The following PTPRD variants were observed in gnomAD, a reference collection of about 807,000 sequenced individuals.
PTPRD encodes receptor-type tyrosine-protein phosphatase delta.
In PTPRD, 34 loss-of-function variants were observed where a neutral mutation model predicts 214.5. That is an observed-to-expected ratio of 0.16 (90% confidence interval 0.12 to 0.21). The LOEUF (loss-of-function observed/expected upper bound fraction) is 0.21, where lower values mean the gene tolerates loss of function less well. Ranked by LOEUF, PTPRD falls within the 10% of genes least tolerant of loss-of-function variation. PTPRD has a pLI of 1.00. For synonymous variants in PTPRD, 1,128 were observed against 845.7 expected, an observed-to-expected ratio of 1.33 and a Z score of -5.79; for missense variants, 2,545 against 2,398.7, an observed-to-expected ratio of 1.06 and a Z score of -1.27.
At chr9:8,443,159 A>C (rs1451727690) in intron 34 of PTPRD, among the ~76,000 whole-genome samples, 1 of 152,358 alleles carries the variant, frequency 6.6e-6, no homozygotes. Context: ...CATTTTAAAA[A>C]ATTTTTGTAA....
chr9:9,573,649 A>G (rs652649), intron 8 of PTPRD, among the ~76,000 whole-genome samples: 43,933 of 151,564 alleles, frequency 0.29, 6,550 homozygotes, highest in Non-Finnish European at 0.32. Context: ...AAACTTAAAA[A>G]TAAGTACTTG....
chr9:9,116,698 G>C (rs1161119750), intron 10 of PTPRD, among the ~76,000 whole-genome samples: 1 of 151,524 alleles, frequency 6.6e-6, no homozygotes, highest in Non-Finnish European at 1.5e-5. Context: ...GGGGGGAAGG[G>C]AAAGAGATGG....
intron 2 of PTPRD, among the ~76,000 whole-genome samples, chr9:10,555,561 C>T (rs833413): frequency 0.56 from 85,087 of 151,910 alleles, 24,638 homozygotes; most frequent in East Asian, 0.95. Context: ...TTCGATCAAA[C>T]AAGATTAGGG....
chr9:9,286,059 T>TA (rs896808619), intron 9 of PTPRD, among the ~76,000 whole-genome samples: 1 of 151,860 alleles, frequency 6.6e-6, no homozygotes, highest in South Asian at 2.1e-4. Context: ...AATTCTATCC[T>TA]AAAAAATGTT....
intron 5 of PTPRD, among the ~76,000 whole-genome samples, chr9:9,912,876 A>G (rs2079607031): frequency 6.6e-6 from 1 of 152,228 alleles, no homozygotes; most frequent in African/African-American, 2.4e-5. Flanking sequence ...CTCATAGGAA[A>G]GAACATAAAA....
At chr9:9,888,749 T>C (rs2071988034) in intron 5 of PTPRD, among the ~76,000 whole-genome samples, 1 of 152,066 alleles carries the variant, frequency 6.6e-6, no homozygotes, top group South Asian at 2.1e-4. Flanking sequence ...CCTCTTTTCT[T>C]TGTAAATTGC....
intron 8 of PTPRD, among the ~76,000 whole-genome samples, chr9:9,563,744 T>A (rs2083562866): frequency 6.6e-6 from 1 of 152,160 alleles, no homozygotes; most frequent in African/African-American, 2.4e-5. Flanking sequence ...ATATATGATG[T>A]TTGAAAGAGA....
intron 3 of PTPRD, among the ~76,000 whole-genome samples, chr9:10,118,342 C>G (rs1302904336): frequency 6.6e-6 from 1 of 151,234 alleles, no homozygotes; most frequent in Non-Finnish European, 1.5e-5. Flanking sequence ...TATTAATGTA[C>G]ATATCTTTTT....
intron 2 of PTPRD, among the ~76,000 whole-genome samples, chr9:10,599,680 T>C (rs974483182): frequency 5.9e-5 from 9 of 151,818 alleles, no homozygotes; most frequent in African/African-American, 2.2e-4. Flanking sequence ...TTCATTTGGT[T>C]GTTAAGTTAC....
chr9:10,569,829 G>A (rs768860121), intron 2 of PTPRD, among the ~76,000 whole-genome samples: 61 of 151,972 alleles, frequency 4.0e-4, no homozygotes, highest in Non-Finnish European at 8.2e-4. Flanking sequence ...TATAACTAAT[G>A]AGCTTGGTAT....
At chr9:8,452,729 GC>G (rs2096009200) in intron 33 of PTPRD, among the ~76,000 whole-genome samples, 1 of 152,114 alleles carries the variant, frequency 6.6e-6, no homozygotes, top group South Asian at 2.1e-4. Context: ...GTCAGAAACT[GC>G]TAATACTATA....
chr9:9,176,427 C>T (rs780683218), intron 10 of PTPRD, among the ~76,000 whole-genome samples: 3 of 152,128 alleles, frequency 2.0e-5, no homozygotes, highest in Non-Finnish European at 4.4e-5. Context: ...TTCTTAGGTG[C>T]TTTTCTTCCT....
At position 9,789,513 on chromosome 9, in the gene PTPRD, A is replaced by G. The variant is rs929813062; in HGVS notation, c.-367-22662T>C. On this transcript the variant is annotated intron_variant, in intron 5 of 45. Coordinates refer to ENST00000381196, the MANE Select transcript of PTPRD (RefSeq NM_002839.4). Reference sequence around the variant, plus strand: ...TTCCCTAGGTGATTAAAACTTTTAAATCGGCCAGGTGCGGTGGCTCACGCC... The same window carrying G: ...TTCCCTAGGTGATTAAAACTTTTAAGTCGGCCAGGTGCGGTGGCTCACGCC... Among the ~76,000 whole-genome samples, 8 of 152,212 alleles carry G rather than the reference A, an allele frequency of 5.3e-5. No individual in the cohort carries two copies. In the East Asian group the frequency reaches 1.4e-3, roughly 26 times the overall value.
chr9:8,414,673 C>A (rs146922427), intron 35 of PTPRD, among the ~76,000 whole-genome samples: 2 of 151,702 alleles, frequency 1.3e-5, no homozygotes, highest in Non-Finnish European at 2.9e-5. Context: ...ACTGTCCCAG[C>A]GTAGTTATTA....
intron 10 of PTPRD, chr9:9,090,914 G>T (rs2099774612): frequency 6.7e-7 from 1 of 1,499,394 alleles, no homozygotes; most frequent in Non-Finnish European, 9.2e-7. Flanking sequence ...AAGAAAAGAA[G>T]GAACAATGGT....
intron 5 of PTPRD, among the ~76,000 whole-genome samples, chr9:9,845,182 T>A (rs1400823740): frequency 4.0e-5 from 2 of 50,066 alleles, no homozygotes; most frequent in African/African-American, 7.6e-5. Context: ...ATATATATAT[T>A]GCTCTATATA....
chr9:8,833,557 T>A (rs987019943), intron 11 of PTPRD, among the ~76,000 whole-genome samples: 1 of 151,334 alleles, frequency 6.6e-6, no homozygotes, highest in Non-Finnish European at 1.5e-5. Flanking sequence ...TTCTCACTTG[T>A]TAGGGCTGGA....
chr9:8,969,243 G>T (rs546865049), intron 11 of PTPRD, among the ~76,000 whole-genome samples: 1 of 152,032 alleles, frequency 6.6e-6, no homozygotes, highest in African/African-American at 2.4e-5. Context: ...TGTTGGCAGG[G>T]TTACAGGTGC....
chr9:10,277,234 AAAACAT>A (rs1161698785), intron 3 of PTPRD, among the ~76,000 whole-genome samples: 2 of 139,004 alleles, frequency 1.4e-5, no homozygotes, highest in Admixed American at 1.4e-4. Context: ...ACATAAACAT[AAAACAT>A]AAACATAAAA....
Sources: gnomAD v4.1 joint callset for allele counts (sites outside exome capture counted in the v4.1 genomes callset) on GRCh38, gnomAD v4.1.1 for gene constraint, MANE v1.5 for transcripts, NCBI Gene and HGNC (gene_info 2026-07-23, HGNC 2026-07-21) for gene names.